The following LRRC37A2 variants were observed in gnomAD, a reference collection of about 807,000 sequenced individuals.
LRRC37A2 encodes leucine rich repeat containing 37 member A2.
A neutral mutation model predicts 68.8 loss-of-function variants in LRRC37A2; 9 were observed. That is an observed-to-expected ratio of 0.13 (90% CI 0.08 to 0.23). The LOEUF is 0.23. Ranked by LOEUF, LRRC37A2 falls within the 10% of genes least tolerant of loss-of-function variation. LRRC37A2 has a pLI of 1.00. For synonymous variants in LRRC37A2, 63 were observed against 367.6 expected, an observed-to-expected ratio of 0.17 and a Z score of 9.48; for missense variants, 168 against 950.4, an observed-to-expected ratio of 0.18 and a Z score of 10.82.
the LRRC37A2 span, among the ~76,000 whole-genome samples, chr17:46,733,100 C>G: frequency 6.6e-6 from 1 of 152,200 alleles, no homozygotes. Flanking sequence ...CAGTGAGAGG[C>G]TTGAAGACAC....
the LRRC37A2 span, chr17:46,923,198 T>G: frequency 1.3e-6 from 2 of 1,547,444 alleles, no homozygotes; most frequent in South Asian, 1.2e-5. Context: ...GCGACATGGA[T>G]CCCCTGTTCC....
the LRRC37A2 span, chr17:47,033,320 G>T: frequency 1.3e-4 from 92 of 694,612 alleles, no homozygotes; most frequent in Non-Finnish European, 2.2e-4. Flanking sequence ...AAGCATTTAC[G>T]TGATGCAGTC....
chr17:46,958,468 G>A, the LRRC37A2 span, among the ~76,000 whole-genome samples: 1 of 152,188 alleles, frequency 6.6e-6, no homozygotes, highest in African/African-American at 2.4e-5. Flanking sequence ...AGTGCTGACG[G>A]CAGGAAGCAA....
chr17:46,678,327 CAA>C, the LRRC37A2 span, among the ~76,000 whole-genome samples: 565 of 98,942 alleles, frequency 5.7e-3, 5 homozygotes, highest in African/African-American at 0.021. Flanking sequence ...TAAAAATAAA[CAA>C]ATATAAATTC....
the LRRC37A2 span, chr17:46,769,724 T>C: frequency 6.3e-7 from 1 of 1,595,798 alleles, no homozygotes; most frequent in Non-Finnish European, 8.5e-7. Context: ...CCAGGGCAGC[T>C]CCGGAGGGGA....
the LRRC37A2 span, among the ~76,000 whole-genome samples, chr17:46,962,631 TAAG>T: frequency 1.3e-5 from 2 of 152,194 alleles, no homozygotes; most frequent in African/African-American, 2.4e-5. Flanking sequence ...CATGAGTTGA[TAAG>T]GAGAGGAAAG....
chr17:46,950,403 G>T, the LRRC37A2 span, among the ~76,000 whole-genome samples: 2,479 of 152,294 alleles, frequency 0.016, 68 homozygotes, highest in African/African-American at 0.057. Context: ...GGAGATGGAG[G>T]GGGAGAAGAT....
chr17:46,939,397 G>A, the LRRC37A2 span: 6 of 995,458 alleles, frequency 6.0e-6, 1 homozygote, highest in Non-Finnish European at 7.2e-6. Context: ...ACAGCTGGGT[G>A]TTTCTCTTTT....
At chr17:46,935,367 G>A in the LRRC37A2 span, 2 of 1,446,906 alleles carry the variant, frequency 1.4e-6, no homozygotes, top group Non-Finnish European at 1.8e-6. Flanking sequence ...CTTTGCCAGT[G>A]CTTGAAACAA....
At chr17:46,818,635 T>C in the LRRC37A2 span, 1 of 1,550,586 alleles carries the variant, frequency 6.4e-7, no homozygotes, top group Non-Finnish European at 8.8e-7. Context: ...CCCGCGACCA[T>C]GAAGAGGGGG....
the LRRC37A2 span, among the ~76,000 whole-genome samples, chr17:46,839,945 TTTCTTTC>T: frequency 6.7e-6 from 1 of 149,876 alleles, no homozygotes; most frequent in Admixed American, 6.7e-5. Flanking sequence ...TCTTTCTTTC[TTTCTTTC>T]TTTCTTTCTT....
the LRRC37A2 span, among the ~76,000 whole-genome samples, chr17:46,780,564 G>A: frequency 4.6e-5 from 7 of 152,290 alleles, no homozygotes; most frequent in East Asian, 3.9e-4. Flanking sequence ...CGAGGCGGGA[G>A]GATCACGAGG....
At chr17:46,999,100 G>A in the LRRC37A2 span, among the ~76,000 whole-genome samples, 2 of 152,158 alleles carry the variant, frequency 1.3e-5, no homozygotes, top group African/African-American at 4.8e-5. Flanking sequence ...CAACACCAAC[G>A]AGTTCAACAC....
the LRRC37A2 span, among the ~76,000 whole-genome samples, chr17:47,001,678 A>G: frequency 3.4e-5 from 5 of 148,120 alleles, no homozygotes; most frequent in African/African-American, 1.2e-4. Flanking sequence ...CTCACCCCCA[A>G]GCAACTACTG....
At chr17:46,970,553 A>C in the LRRC37A2 span, among the ~76,000 whole-genome samples, 4 of 151,532 alleles carry the variant, frequency 2.6e-5, no homozygotes, top group African/African-American at 7.3e-5. Flanking sequence ...AAAAAAAAAA[A>C]AAAAAAACTC....
At chr17:46,819,161 C>A in the LRRC37A2 span, among the ~76,000 whole-genome samples, 20 of 152,150 alleles carry the variant, frequency 1.3e-4, no homozygotes, top group African/African-American at 4.3e-4. This position sits in a 1 kb window ranked among gnomAD's most constrained non-coding sequence, Gnocchi z 5.3. Flanking sequence ...CCCGCTCGGG[C>A]AGGTCAGGAT....
chr17:46,528,623 G>A, intron 6 of LRRC37A2: 2 of 497,398 alleles, frequency 4.0e-6, no homozygotes, highest in Non-Finnish European at 6.9e-6. Context: ...TGAAGGCTGA[G>A]GCAGGAGAAT....
chr17:46,921,259 T>A, the LRRC37A2 span: 1 of 152,248 alleles, frequency 6.6e-6, no homozygotes, highest in South Asian at 2.1e-4. Context: ...GAAATGGTGC[T>A]GGGAAAACTA....
the LRRC37A2 span, chr17:46,935,252 T>G: frequency 1.9e-6 from 3 of 1,607,154 alleles, no homozygotes; most frequent in Admixed American, 5.0e-5. Flanking sequence ...TATATTTTGA[T>G]TACGTGTCCT....
Sources: gnomAD v4.1 joint callset for allele counts (sites outside exome capture counted in the v4.1 genomes callset) on GRCh38, gnomAD v4.1.1 for gene constraint, Gnocchi (gnomAD v3.1) non-coding constraint, MANE v1.5 for transcripts, NCBI Gene and HGNC (gene_info 2026-07-23, HGNC 2026-07-21) for gene names.